The following TDRD9 variants were observed in gnomAD, a reference collection of about 807,000 sequenced individuals.
TDRD9 encodes the protein ATP-dependent RNA helicase TDRD9.
Under a neutral mutation model 172.6 loss-of-function variants are expected in TDRD9, and 124 were observed. The observed-to-expected ratio is 0.72, with a 90% CI of 0.62 to 0.83. The LOEUF (loss-of-function observed/expected upper bound fraction) is 0.83. Ranked by LOEUF, TDRD9 falls within the 40% of genes least tolerant of loss-of-function variation. The pLI is 0.00. For missense variants in TDRD9, 1,479 were observed against 1,714.1 expected (o/e 0.86, Z 2.42); for synonymous variants, 619 against 617.1 (o/e 1.00, Z -0.05).
At chr14:104,008,491 G>A in intron 20 of TDRD9, 25 bp downstream of exon 20, 3 of 1,425,450 alleles carry the variant, frequency 2.1e-6, no homozygotes, top group South Asian at 1.2e-5. Context: ...TTGACCAAAT[G>A]GATGCAAATA....
chr14:104,014,246 AAAAAG>A (rs1190556931), intron 20 of TDRD9, among the ~76,000 whole-genome samples: 38 of 148,244 alleles, frequency 2.6e-4, no homozygotes, highest in African/African-American at 6.4e-4. Flanking sequence ...AAAAAAAAAA[AAAAAG>A]ATAATAATAA....
intron 7 of TDRD9, among the ~76,000 whole-genome samples, chr14:103,975,977 A>G (rs547629639): frequency 6.6e-5 from 10 of 152,248 alleles, no homozygotes; most frequent in African/African-American, 2.4e-4. Context: ...TAAAAAGGAC[A>G]CTAGAAGTTA....
At chr14:104,022,355 A>G (rs772876893) in intron 24 of TDRD9, 25 bp downstream of exon 24, 3 of 1,605,110 alleles carry the variant, frequency 1.9e-6, no homozygotes, top group Non-Finnish European at 2.6e-6. Flanking sequence ...GAGGTGGCAG[A>G]CAGGCCGTGC....
chr14:103,978,194 G>T (rs947752644), intron 7 of TDRD9, among the ~76,000 whole-genome samples: 28 of 150,658 alleles, frequency 1.9e-4, no homozygotes, highest in South Asian at 4.2e-4. Flanking sequence ...TTTTTTTTTT[G>T]ATTTCTGTGA....
At chr14:104,004,744 A>G (rs1253602049) in intron 14 of TDRD9, among the ~76,000 whole-genome samples, 1 of 152,144 alleles carries the variant, frequency 6.6e-6, no homozygotes, top group Non-Finnish European at 1.5e-5. Flanking sequence ...GTCTTGCCAC[A>G]TTCCCCCTCA....
At chr14:104,043,370 A>G (rs2035666062) in intron 34 of TDRD9, among the ~76,000 whole-genome samples, 1 of 151,850 alleles carries the variant, frequency 6.6e-6, no homozygotes, top group African/African-American at 2.4e-5. Flanking sequence ...GCATCCAAGT[A>G]GCTGGGATTA....
chr14:103,975,641 T>C (rs1242376792), intron 7 of TDRD9, 88 bp downstream of exon 7: 1 of 1,302,014 alleles, frequency 7.7e-7, no homozygotes, highest in Non-Finnish European at 1.0e-6. Flanking sequence ...TGTAAGGCCC[T>C]GCGAGAAAAT....
chr14:104,006,186 TA>T (rs1566777325), intron 15 of TDRD9, among the ~76,000 whole-genome samples: 1 of 151,396 alleles, frequency 6.6e-6, no homozygotes, highest in Non-Finnish European at 1.5e-5. Context: ...ATCATACTTT[TA>T]AAAAAAAAGT....
chr14:104,047,504 G>A (rs1352292301), intron 34 of TDRD9, among the ~76,000 whole-genome samples: 1 of 152,092 alleles, frequency 6.6e-6, no homozygotes, highest in Non-Finnish European at 1.5e-5. Flanking sequence ...GCTACCATTT[G>A]TGAGCTTTTT....
At chr14:104,016,159 C>G in intron 22 of TDRD9, 71 bp downstream of exon 22, 2 of 1,104,874 alleles carry the variant, frequency 1.8e-6, no homozygotes, top group Non-Finnish European at 2.6e-6. Flanking sequence ...CTAATTGTTT[C>G]TATTCTTGTG....
At chr14:103,929,170 G>A (rs1331963078) in intron 1 of TDRD9, among the ~76,000 whole-genome samples, 3 of 151,986 alleles carry the variant, frequency 2.0e-5, no homozygotes, top group Admixed American at 6.5e-5. Context: ...GACGTTCTGT[G>A]GGTTTGGACA....
intron 21 of TDRD9, 147 bp downstream of exon 21, chr14:104,014,988 A>G (rs1023746242): frequency 4.2e-6 from 2 of 471,714 alleles, no homozygotes; most frequent in Non-Finnish European, 7.6e-6. Context: ...TGCGTTTGGG[A>G]ACCAGGAAAC....
chr14:103,995,857 T>G (rs1595961952), intron 12 of TDRD9, 50 bp downstream of exon 12: 1 of 1,479,120 alleles, frequency 6.8e-7, no homozygotes, highest in Non-Finnish European at 9.2e-7. Context: ...GTGCCATATT[T>G]ATTGGCTTAT....
At chr14:104,042,856 G>A (rs2035649901) in intron 34 of TDRD9, among the ~76,000 whole-genome samples, 2 of 152,118 alleles carry the variant, frequency 1.3e-5, no homozygotes, top group South Asian at 4.1e-4. Flanking sequence ...AAAGCAGGTG[G>A]CATCTGGTAT....
intron 7 of TDRD9, among the ~76,000 whole-genome samples, chr14:103,984,309 T>C (rs1285329155): frequency 3.3e-5 from 5 of 152,240 alleles, no homozygotes; most frequent in Non-Finnish European, 5.9e-5. Context: ...GTCAGAGGTC[T>C]TCACGGCAGC....
intron 3 of TDRD9, 138 bp downstream of exon 3, chr14:103,963,314 G>C (rs770912307): frequency 1.9e-5 from 11 of 572,976 alleles, no homozygotes; most frequent in Non-Finnish European, 2.9e-5. Flanking sequence ...GTGGATAAGA[G>C]GAGGGTGTGC....
At chr14:104,016,484 C>G (rs1198654083) in intron 22 of TDRD9, among the ~76,000 whole-genome samples, 1 of 152,172 alleles carries the variant, frequency 6.6e-6, no homozygotes, top group Non-Finnish European at 1.5e-5. Context: ...CAGTGACCCC[C>G]CGACCTGGAT....
intron 34 of TDRD9, among the ~76,000 whole-genome samples, chr14:104,044,655 G>A (rs1765204714): frequency 6.6e-6 from 1 of 152,136 alleles, no homozygotes; most frequent in Non-Finnish European, 1.5e-5. Context: ...ATATTTCATT[G>A]TTTGTTATGC....
At chr14:103,932,886 G>A (rs2030495583) in intron 1 of TDRD9, among the ~76,000 whole-genome samples, 1 of 151,876 alleles carries the variant, frequency 6.6e-6, no homozygotes. Flanking sequence ...AGCTTAATGA[G>A]TAGTGACCAC....
Sources: allele counts gnomAD v4.1 joint callset (sites outside exome capture counted in the v4.1 genomes callset), GRCh38; gene constraint gnomAD v4.1.1; transcripts MANE v1.5; gene names NCBI Gene and HGNC (gene_info 2026-07-23, HGNC 2026-07-21).